DENND4A: variants seen among roughly 807,000 people sequenced by gnomAD.
DENND4A encodes C-myc promoter-binding protein.
DENND4A carries 70 observed loss-of-function variants against 199.3 expected under a neutral mutation model. The observed-to-expected ratio is 0.35, with a 90% CI of 0.29 to 0.43. DENND4A has a LOEUF of 0.43. Ranked by LOEUF, DENND4A falls within the 20% of genes least tolerant of loss-of-function variation. The pLI is 1.00. For missense variants in DENND4A, 1,723 were observed against 2,255.8 expected, an observed-to-expected ratio of 0.76 and a Z score of 4.78; for synonymous variants, 686 against 766.9, an observed-to-expected ratio of 0.89 and a Z score of 1.74.
At chr15:65,785,752 C>T (rs948704879) in intron 1 of DENND4A, among the ~76,000 whole-genome samples, 7 of 151,896 alleles carry the variant, frequency 4.6e-5, no homozygotes, top group Admixed American at 2.0e-4. Context: ...AGGAGCATAA[C>T]TAAACATACT....
chr15:65,731,809 T>C lies in DENND4A; in HGVS notation c.1108-109A>G, dbSNP rs189457779. 5.4e-6 allele frequency: 4 copies of C among 743,772 alleles called. No individual in the cohort carries two copies. The South Asian group carries it at 5.8e-5, about 11-fold the overall frequency. 46.1% of individuals were successfully genotyped at this position (743,772 alleles called of 1,614,324 possible). A position where few individuals can be genotyped will look rare whatever the true frequency, so the allele number is the denominator to read the frequency against. ...TGATTATGCCCATGAAGTTTCAGTA[T>C]ATCCATTTACCAGTATCAGAACACT... On this transcript the variant is annotated intron_variant, in intron 8 of 32. Transcript: ENST00000443035.
chr15:65,672,922 C>T (rs1392204513), intron 24 of DENND4A, among the ~76,000 whole-genome samples: 1 of 151,402 alleles, frequency 6.6e-6, no homozygotes, highest in East Asian at 1.9e-4. Flanking sequence ...GTGCAGTAGC[C>T]TGATCTCGGC....
At position 65,741,772 on chromosome 15, in the gene DENND4A, C is replaced by T. The variant is rs765466787; in HGVS notation, c.574G>A (p.Val192Ile). ...ACCGATTTTTTATAACACAAGTATACTGCTGATCCCCACTGGATTTAAAAA... is the reference window on the plus strand; with the variant it reads ...ACCGATTTTTTATAACACAAGTATATTGCTGATCCCCACTGGATTTAAAAA... ...NLNNSMWGSAVYLCYKKSVAK... is the reference protein window; with the variant it reads ...NLNNSMWGSAIYLCYKKSVAK... Residue 192 changes from valine to isoleucine, a missense_variant, in exon 5 of 33, where the codon GTA becomes ATA. Physicochemically the swap from Val to Ile is conservative, Grantham distance 29 (BLOSUM62 3). Coordinates refer to ENST00000443035, the MANE Select transcript of DENND4A (RefSeq NM_001320835.1). The T allele has an allele frequency of 5.6e-6, 9 of 1,611,662 alleles. No homozygotes were observed. The highest frequency in any genetic ancestry group is 1.1e-5 in the South Asian group (1 of 90,968).
intron 1 of DENND4A, among the ~76,000 whole-genome samples, chr15:65,784,453 T>C (rs1389910578): frequency 2.1e-5 from 3 of 140,332 alleles, no homozygotes; most frequent in Non-Finnish European, 3.1e-5. Context: ...CCCCCATTTC[T>C]TACAAAAAAA....
At chr15:65,771,025 A>T (rs2077111092) in intron 1 of DENND4A, among the ~76,000 whole-genome samples, 1 of 152,032 alleles carries the variant, frequency 6.6e-6, no homozygotes, top group Admixed American at 6.5e-5. Flanking sequence ...AGGAGCCAGT[A>T]GGTCATAAAC....
Position 65,779,526 on chromosome 15 carries a change from T to C in DENND4A, c.-102+12484A>G, listed in dbSNP as rs914066853. On this transcript the variant is annotated intron_variant, in intron 1 of 32. Coordinates refer to ENST00000443035, the MANE Select transcript of DENND4A (RefSeq NM_001320835.1). The stretch of plus-strand genomic sequence containing the variant: ...TGTTTTGTTTTTAAAGACAAGAAAC[T>C]GTTGCTGAGGCTGGGGTGTGTGGCA... Among the ~76,000 whole-genome samples, 7 of 152,058 alleles carry C rather than the reference T, an allele frequency of 4.6e-5. No individual in the cohort carries two copies. The South Asian group carries it at 1.2e-3, about 27-fold the overall frequency.
chr15:65,672,333 G>C (rs1194438621), intron 24 of DENND4A, among the ~76,000 whole-genome samples: 2 of 152,060 alleles, frequency 1.3e-5, no homozygotes, highest in Non-Finnish European at 2.9e-5. Context: ...GGTCTTTTAA[G>C]AACTAGAATA....
chr15:65,696,278 G>A, intron 22 of DENND4A, 88 bp downstream of exon 22: 1 of 1,474,094 alleles, frequency 6.8e-7, no homozygotes, highest in Non-Finnish European at 9.1e-7. Flanking sequence ...TCACCTTGGA[G>A]AATTAAGACT....
intron 23 of DENND4A, among the ~76,000 whole-genome samples, chr15:65,689,935 T>G (rs1433386758): frequency 6.6e-6 from 1 of 152,158 alleles, no homozygotes; most frequent in Non-Finnish European, 1.5e-5. Flanking sequence ...CCTCTCTGCT[T>G]TCTAGTTACT....
intron 5 of DENND4A, among the ~76,000 whole-genome samples, chr15:65,739,955 C>A (rs1296429406): frequency 6.6e-6 from 1 of 151,614 alleles, no homozygotes; most frequent in Non-Finnish European, 1.5e-5. Context: ...CCGAGGCGGA[C>A]AGATTGCCTG....
At chr15:65,746,428 G>A (rs12910836) in intron 4 of DENND4A, among the ~76,000 whole-genome samples, 26,240 of 116,528 alleles carry the variant, frequency 0.23, 3,515 homozygotes, top group East Asian at 0.77. Context: ...GTTCTGTCAC[G>A]CAGACTGTAG....
Position 65,661,746 on chromosome 15 carries a change from A to G in DENND4A, c.*105T>C. On this transcript the variant is annotated 3_prime_UTR_variant, in exon 33 of 33. Transcript: ENST00000443035. ...GTCTGAGTCTTTTGAACCATTTACAAATTGTATTTTCAAAAATTGAAGAAA... is the reference window on the plus strand; with the variant it reads ...GTCTGAGTCTTTTGAACCATTTACAGATTGTATTTTCAAAAATTGAAGAAA... The G allele has an allele frequency of 2.0e-6, 2 of 1,017,876 alleles. No homozygotes were observed. Among genetic ancestry groups the G allele is most frequent in the Non-Finnish European group, 2.8e-6 (2 of 724,856 alleles). 63.1% of individuals were successfully genotyped at this position (1,017,876 alleles called of 1,614,324 possible).
rs1237255926 is a variant in DENND4A, at chr15:65,752,465, T to C, written c.475A>G (p.Thr159Ala). The C allele has an allele frequency of 6.2e-7, 1 of 1,613,750 alleles. No individual in the cohort carries two copies. Among genetic ancestry groups the C allele is most frequent in the East Asian group, 2.2e-5 (1 of 44,872 alleles). Residue 159 changes from threonine to alanine, a missense_variant, in exon 4 of 33, where the codon ACT (threonine) becomes GCT (alanine). By Grantham distance (58) the Thr-to-Ala change is moderately conservative (BLOSUM62 0). Around this residue, in one of 6 missense-constraint regions of DENND4A, gnomAD observed 725 missense variants for 952.9 expected, o/e 0.76. Coordinates refer to ENST00000443035, the MANE Select transcript of DENND4A (RefSeq NM_001320835.1). ...ENMTQNTLAV[T>A]DICIIIPSKG... is the part of the protein sequence containing the mutation. The stretch of plus-strand genomic sequence containing the variant: ...CTGGGTATAATAATACATATGTCAG[T>C]GACAGCCAACGTATTCTGAGTCATG...
chr15:65,667,382 T>C, intron 29 of DENND4A, 67 bp downstream of exon 29: 2 of 1,498,308 alleles, frequency 1.3e-6, no homozygotes, highest in East Asian at 2.3e-5. Flanking sequence ...TTTTTAATCA[T>C]TAGGAATATG....
intron 22 of DENND4A, 41 bp from the exon 23 acceptor site, chr15:65,691,552 T>C: frequency 1.4e-6 from 2 of 1,480,070 alleles, no homozygotes; most frequent in Non-Finnish European, 1.8e-6. Flanking sequence ...GAAAATATAA[T>C]AGCAAATATA....
rs1299007692 is a variant in DENND4A at position 65,748,065 on chromosome 15, G to GAAAA, written c.561+4310_561+4313dup. On this transcript the variant is annotated intron_variant, in intron 4 of 32. Transcript: ENST00000443035. ...AAAAAAAAAAAAAAAAAAAAAAAAGGAAAAAAAAAAAGTCTGCTTCCCTAC... is the reference window on the plus strand; with the variant it reads ...AAAAAAAAAAAAAAAAAAAAAAAAGGAAAAAAAAAAAAAAAGTCTGCTTCCCTAC... Among the ~76,000 whole-genome samples the GAAAA allele has an allele frequency of 8.6e-3, 936 of 108,888 alleles. 4 individuals carry two copies. The highest frequency in any genetic ancestry group is 0.017 in the South Asian group (58 of 3,430). 71.4% of individuals were successfully genotyped at this position (108,888 alleles called of 152,430 possible).
At position 65,671,867 on chromosome 15, in the gene DENND4A, G is replaced by A. The variant is rs2076229269; in HGVS notation, c.4389C>T (p.Ala1463=). The A allele has an allele frequency of 5.6e-6, 9 of 1,608,958 alleles. No homozygotes were observed. The highest frequency in any genetic ancestry group is 7.7e-6 in the Non-Finnish European group (9 of 1,175,348). ...ATGTCACTTCTGATTTCCCAGGTAA[G>A]GCAAACTTCGACAGAGATCCTGTTC... ...ASLEGSLSKF[A]LPGKSEVTSS... is the part of the protein sequence containing the mutation. The change falls in exon 25 of 33, where the codon GCC becomes GCT. Residue 1463 remains alanine, a synonymous_variant. Transcript: ENST00000443035.
At chr15:65,729,778 AT>A in intron 9 of DENND4A, 100 bp from the exon 10 acceptor site, 2 of 1,080,436 alleles carry the variant, frequency 1.9e-6, no homozygotes, top group Non-Finnish European at 1.3e-6. Context: ...TAGGATTTGT[AT>A]TATATATGTT....
intron 3 of DENND4A, 22 bp from the exon 4 acceptor site, chr15:65,752,650 T>C: frequency 7.2e-7 from 1 of 1,393,316 alleles, no homozygotes; most frequent in South Asian, 1.3e-5. Flanking sequence ...TTTTTAAAAA[T>C]AAATACACAA....
Sources: gnomAD v4.1 joint callset for allele counts (sites outside exome capture counted in the v4.1 genomes callset) on GRCh38, gnomAD v4.1.1 for gene constraint, gnomAD v4.1.1 regional missense constraint, MANE v1.5 for transcripts, NCBI Gene and HGNC (gene_info 2026-07-23, HGNC 2026-07-21) for gene names.